The following MATN2 variants were observed in gnomAD, a reference collection of about 807,000 sequenced individuals.
The protein encoded by MATN2 is matrilin 2.
Under a neutral mutation model 103.2 loss-of-function variants are expected in MATN2, and 69 were observed. The observed-to-expected ratio is 0.67, with a 90% confidence interval of 0.55 to 0.82. The LOEUF is 0.82. Among genes scored for constraint, MATN2 ranks in the 40% least tolerant of loss-of-function variants. MATN2 has a pLI of 0.00. For missense variants in MATN2, 1,023 were observed against 1,211.5 expected, an observed-to-expected ratio of 0.84 and a Z score of 2.31; for synonymous variants, 429 against 450.2, an observed-to-expected ratio of 0.95 and a Z score of 0.60.
chr8:98,020,766 T>C (rs1813562426), intron 12 of MATN2, among the ~76,000 whole-genome samples: 1 of 152,202 alleles, frequency 6.6e-6, no homozygotes. Context: ...AGGATCTAAT[T>C]CTTCATTGAT....
intron 4 of MATN2, among the ~76,000 whole-genome samples, chr8:97,955,675 C>T (rs373761173): frequency 3.9e-5 from 6 of 152,112 alleles, no homozygotes; most frequent in South Asian, 2.1e-4. Flanking sequence ...ATACAGGCAC[C>T]GTAAGGAACA....
intron 2 of MATN2, among the ~76,000 whole-genome samples, chr8:97,911,795 C>T (rs1809451545): frequency 1.3e-5 from 2 of 152,178 alleles, no homozygotes; most frequent in Admixed American, 1.3e-4. Flanking sequence ...TCTCTGGACT[C>T]CCAGTCTGGT....
intron 10 of MATN2, among the ~76,000 whole-genome samples, chr8:98,015,194 T>C (rs1586158688): frequency 6.6e-6 from 1 of 152,278 alleles, no homozygotes; most frequent in Middle Eastern, 3.4e-3. Context: ...TTATAGATTC[T>C]ACCTTAAAAT....
intron 7 of MATN2, among the ~76,000 whole-genome samples, chr8:98,003,133 G>C (rs776710078): frequency 5.9e-5 from 9 of 151,798 alleles, no homozygotes; most frequent in African/African-American, 1.5e-4. Flanking sequence ...TCATCCCCGG[G>C]CATTTGTGTT....
chr8:97,991,487 C>T (rs1301550923), intron 6 of MATN2, among the ~76,000 whole-genome samples: 3 of 152,034 alleles, frequency 2.0e-5, no homozygotes, highest in African/African-American at 2.4e-5. Context: ...TTTGAGAGGC[C>T]GAGGCGAGTG....
chr8:97,979,048 T>C, intron 6 of MATN2, 40 bp downstream of exon 6: 1 of 1,575,064 alleles, frequency 6.3e-7, no homozygotes, highest in Non-Finnish European at 8.6e-7. Flanking sequence ...AAATATTTGC[T>C]GTTACTGCTG....
At chr8:97,907,575 G>T (rs1473163204) in intron 2 of MATN2, among the ~76,000 whole-genome samples, 1 of 151,974 alleles carries the variant, frequency 6.6e-6, no homozygotes, top group East Asian at 1.9e-4. Context: ...ACCCGCCTCG[G>T]CCTCCCAAAG....
intron 2 of MATN2, among the ~76,000 whole-genome samples, chr8:97,903,775 G>C (rs1207494756): frequency 6.6e-6 from 1 of 152,184 alleles, no homozygotes; most frequent in Non-Finnish European, 1.5e-5. Context: ...TTCAGAGTGT[G>C]GTTGACTAGG....
chr8:97,972,339 A>C (rs1197505669), intron 5 of MATN2, among the ~76,000 whole-genome samples: 19 of 11,292 alleles, frequency 1.7e-3, no homozygotes, highest in Admixed American at 0.012. Flanking sequence ...ACCCTGTCTC[A>C]AAAAAAAAAA....
rs546052853 is a variant in MATN2 at position 97,988,499 on chromosome 8, G to A, written c.1082-5981G>A. 2.0e-5 allele frequency among the ~76,000 whole-genome samples: 3 copies of A among 151,994 alleles called. No homozygotes were observed. In the South Asian group the frequency reaches 6.2e-4, roughly 32 times the overall value. On this transcript the variant is annotated intron_variant, in intron 6 of 18. Transcript: ENST00000254898. Reference sequence around the variant, plus strand: ...AAATTAACTGGGCATGGTGGCAAGTGCCTGTAGTCCCAGCTACTCGAAAGG... The same window carrying A: ...AAATTAACTGGGCATGGTGGCAAGTACCTGTAGTCCCAGCTACTCGAAAGG...
At chr8:97,950,336 A>T (rs1810903494) in intron 4 of MATN2, among the ~76,000 whole-genome samples, 1 of 152,192 alleles carries the variant, frequency 6.6e-6, no homozygotes. Context: ...CTAAGTTCCA[A>T]CAGTGTCCTT....
At position 97,941,969 on chromosome 8, in the gene MATN2, G is replaced by A. The variant is rs1190813009; in HGVS notation, c.835+70G>A. The stretch of plus-strand genomic sequence containing the variant: ...TCATCCTCTCCCTTCTTTTATCTGG[G>A]CTCATTTTATTCATCTGTGATGCCT... On this transcript the variant is annotated intron_variant, in intron 4 of 18. Transcript: ENST00000254898. 14 of 1,571,164 alleles carry A rather than the reference G, an allele frequency of 8.9e-6. No individual in the cohort carries two copies. In the South Asian group the frequency reaches 1.2e-4, roughly 14 times the overall value.
chr8:97,885,741 G>C (rs372456344), intron 1 of MATN2, among the ~76,000 whole-genome samples: 3 of 152,120 alleles, frequency 2.0e-5, no homozygotes, highest in African/African-American at 7.2e-5. Context: ...TGAGGCTGCC[G>C]TGAGCCATGA....
At chr8:97,980,489 C>T (rs1350925770) in intron 6 of MATN2, among the ~76,000 whole-genome samples, 1 of 150,030 alleles carries the variant, frequency 6.7e-6, no homozygotes, top group Middle Eastern at 3.5e-3. Flanking sequence ...GGGCAAGTTA[C>T]TTATGCCTCA....
At chr8:97,922,212 T>C (rs1278203460) in intron 2 of MATN2, among the ~76,000 whole-genome samples, 1 of 152,224 alleles carries the variant, frequency 6.6e-6, no homozygotes, top group Non-Finnish European at 1.5e-5. Context: ...TATTCTGATG[T>C]GCTAGTTTTA....
At chr8:97,957,536 G>T (rs1229925809) in intron 4 of MATN2, among the ~76,000 whole-genome samples, 3 of 152,184 alleles carry the variant, frequency 2.0e-5, no homozygotes, top group Admixed American at 2.0e-4. Context: ...AGGACAATCC[G>T]CATGAAGCCA....
rs748944822 is a variant in MATN2, at chr8:98,033,583, C to T, written c.2739C>T (p.His913=). The change falls in exon 18 of 19, where the codon CAC becomes CAT. Residue 913 remains histidine (H), a synonymous_variant. Transcript: ENST00000254898. ...KPSGSPLEEK[H]DQCKCENLIM... ...CAGGAAGCCCTTTGGAAGAAAAACA[C>T]GATCAATGCAAATGTGAAAACCTTA... is the stretch of plus-strand genomic sequence containing the variant. 7.5e-6 allele frequency: 12 copies of T among 1,596,756 alleles called. No homozygotes were observed. The highest frequency in any genetic ancestry group is 2.2e-5 in the East Asian group (1 of 44,620).
rs370250391 is a variant in MATN2 at position 98,021,284 on chromosome 8, C to T, written c.1899C>T (p.Cys633=). 2.5e-6 allele frequency: 4 copies of T among 1,613,554 alleles called. No individual in the cohort carries two copies. In the African/African-American group the frequency reaches 5.3e-5, roughly 22 times the overall value. The change falls in exon 13 of 19, where the codon TGC becomes TGT. Residue 633 remains cysteine, a synonymous_variant. Transcript: ENST00000254898. The stretch of plus-strand genomic sequence containing the variant: ...ATGGGAATTCCTACATCTGCAAATG[C>T]TCAGAGGGATTTGTTCTAGCTGAGG... The part of the protein sequence containing the change: ...VNNGNSYICK[C]SEGFVLAEDG...
chr8:98,005,216 AT>A lies in MATN2; in HGVS notation c.1327+1434del, dbSNP rs747330729. On this transcript the variant is annotated intron_variant, in intron 8 of 18. Coordinates refer to ENST00000254898, the MANE Select transcript of MATN2 (RefSeq NM_002380.5). This position sits in a 1 kb window ranked among gnomAD's most constrained non-coding sequence, Gnocchi z 4.6. ...CCCGGTAAAGGCTTTCTAAGGACTGATCTCAGAGGCCAAAGGGCTTTTGAAC... is the reference window on the plus strand; with the variant it reads ...CCCGGTAAAGGCTTTCTAAGGACTGACTCAGAGGCCAAAGGGCTTTTGAAC... Among the ~76,000 whole-genome samples the A allele has an allele frequency of 2.6e-4, 39 of 152,236 alleles. No homozygotes were observed. The highest frequency in any genetic ancestry group is 2.1e-3 in the South Asian group (10 of 4,836).
Sources: allele counts gnomAD v4.1 joint callset (sites outside exome capture counted in the v4.1 genomes callset), GRCh38; gene constraint gnomAD v4.1.1; non-coding constraint Gnocchi (gnomAD v3.1); transcripts MANE v1.5; gene names NCBI Gene and HGNC (gene_info 2026-07-23, HGNC 2026-07-21).